ELP3: variants seen among roughly 807,000 people sequenced by gnomAD.
ELP3 encodes elongator acetyltransferase complex subunit 3.
A neutral mutation model predicts 74.9 loss-of-function variants in ELP3; 56 were observed. The observed-to-expected ratio is 0.75, with a 90% CI of 0.60 to 0.93. The LOEUF (loss-of-function observed/expected upper bound fraction) is 0.93, where lower values mean the gene tolerates loss of function less well. Among genes scored for constraint, ELP3 ranks in the 40% least tolerant of loss-of-function variants. The pLI, the probability that ELP3 is intolerant of heterozygous loss-of-function variation, is 0.00. For missense variants in ELP3, 573 were observed against 686.5 expected, an observed-to-expected ratio of 0.83 and a Z score of 1.85; for synonymous variants, 222 against 239.8, an observed-to-expected ratio of 0.93 and a Z score of 0.68.
intron 14 of ELP3, among the ~76,000 whole-genome samples, chr8:28,178,176 T>A (rs1343425097): frequency 1.3e-5 from 2 of 152,222 alleles, no homozygotes; most frequent in African/African-American, 4.8e-5. Context: ...GAGAAATTTC[T>A]CATAGTTCTA....
chr8:28,159,847 C>T (rs566198127), intron 12 of ELP3, among the ~76,000 whole-genome samples: 1 of 152,232 alleles, frequency 6.6e-6, no homozygotes, highest in Non-Finnish European at 1.5e-5. Context: ...CATTGAACAC[C>T]TGACAGTTTT....
chr8:28,113,131 C>T lies in ELP3; in HGVS notation c.575C>T (p.Ala192Val). Residue 192 changes from alanine (A) to valine (V), a missense_variant, in exon 7 of 15, where the codon GCC becomes GTC. Coordinates refer to ENST00000256398, the MANE Select transcript of ELP3 (RefSeq NM_018091.6). Reference protein sequence around the residue: ...RDYFIRNLHDALSGHTSNNIY... With the variant: ...RDYFIRNLHDVLSGHTSNNIY... Reference sequence around the variant, plus strand: ...TATTTTATTCGAAATTTACATGATGCCTTATCAGGACATACTTCCAACAAT... The same window carrying T: ...TATTTTATTCGAAATTTACATGATGTCTTATCAGGACATACTTCCAACAAT... The T allele has an allele frequency of 6.2e-7, 1 of 1,613,608 alleles. No individual in the cohort carries two copies. The highest frequency in any genetic ancestry group is 8.5e-7 in the Non-Finnish European group (1 of 1,179,754).
chr8:28,162,927 T>C (rs1814160207), intron 14 of ELP3, among the ~76,000 whole-genome samples: 2 of 152,210 alleles, frequency 1.3e-5, no homozygotes, highest in African/African-American at 4.8e-5. Context: ...GAACATCTCA[T>C]GACCTGCGTC....
At chr8:28,108,171 T>C in intron 5 of ELP3, among the ~76,000 whole-genome samples, 195 bp downstream of exon 5, 1 of 152,232 alleles carries the variant, frequency 6.6e-6, no homozygotes, top group African/African-American at 2.4e-5. Flanking sequence ...AGAGAAATAC[T>C]TACATAAGCA....
upstream of ELP3, among the ~76,000 whole-genome samples, chr8:28,092,151 G>C (rs143204848): frequency 1.6e-3 from 240 of 152,298 alleles, no homozygotes; most frequent in African/African-American, 5.5e-3. Context: ...AGGGAGATAT[G>C]TGGGCTTCTG....
At chr8:28,132,428 C>T (rs1288528775) in intron 9 of ELP3, 24 bp downstream of exon 9, 1 of 1,613,660 alleles carries the variant, frequency 6.2e-7, no homozygotes, top group Non-Finnish European at 8.5e-7. Context: ...CAGCCAGGCG[C>T]ATTCAGAATG....
intron 9 of ELP3, among the ~76,000 whole-genome samples, chr8:28,134,003 G>T (rs944728568): frequency 6.6e-6 from 1 of 151,972 alleles, no homozygotes; most frequent in South Asian, 2.1e-4. Context: ...TGTGCACAAC[G>T]TGCAGGTTTG....
intron 14 of ELP3, among the ~76,000 whole-genome samples, chr8:28,188,079 C>A (rs1458766474): frequency 6.6e-6 from 1 of 151,972 alleles, no homozygotes; most frequent in African/African-American, 2.4e-5. Flanking sequence ...AGTGCAGGGA[C>A]GTGCAGAGAG....
Position 28,160,419 on chromosome 8 carries a change from C to T in ELP3, c.1448C>T (p.Pro483Leu). Residue 483 changes from proline (P) to leucine (L), a missense_variant, in exon 13 of 15, where the codon CCT (proline) becomes CTT (leucine). Transcript: ENST00000256398. ...RELHVYGSVVPVSSRDPTKFQ... is the reference protein window; with the variant it reads ...RELHVYGSVVLVSSRDPTKFQ... ...CTGCATGTGTATGGGAGTGTGGTCC[C>T]TGTGAGCAGCCGGGATCCTACTAAA... is the stretch of plus-strand genomic sequence containing the variant. 6.2e-7 allele frequency: 1 copy of T among 1,614,080 alleles called. No individual in the cohort carries two copies. Among genetic ancestry groups the T allele is most frequent in the Non-Finnish European group, 8.5e-7 (1 of 1,179,992 alleles).
chr8:28,178,592 C>T (rs1049061916), intron 14 of ELP3, among the ~76,000 whole-genome samples: 1 of 152,098 alleles, frequency 6.6e-6, no homozygotes, highest in African/African-American at 2.4e-5. Flanking sequence ...TGCTGGGTTT[C>T]CAGGTTAGAG....
intron 14 of ELP3, among the ~76,000 whole-genome samples, chr8:28,162,553 C>T (rs767864355): frequency 4.6e-5 from 7 of 152,198 alleles, no homozygotes; most frequent in African/African-American, 1.7e-4. Context: ...TGGGGAACAG[C>T]TTTCCCCTGT....
rs138686197 is a variant in ELP3, at chr8:28,188,647, C to T, written c.1568-1002C>T. 5.4e-4 allele frequency among the ~76,000 whole-genome samples: 82 copies of T among 152,344 alleles called. No individual in the cohort carries two copies. The South Asian group carries it at 0.015, about 27-fold the overall frequency. ...CGGTGGGGACAAACACTTCTGTGCT[C>T]GGGACCCTCCCAGACCTCACCCAGT... On this transcript the variant is annotated intron_variant, in intron 14 of 14. Transcript: ENST00000256398.
At chr8:28,140,299 A>G (rs1813186031) in intron 10 of ELP3, among the ~76,000 whole-genome samples, 2 of 152,186 alleles carry the variant, frequency 1.3e-5, no homozygotes, top group African/African-American at 4.8e-5. Context: ...TCTGGCTTAA[A>G]GGGCTCCCAT....
chr8:28,122,995 G>A (rs941099960), intron 7 of ELP3, among the ~76,000 whole-genome samples: 3 of 152,158 alleles, frequency 2.0e-5, no homozygotes, highest in Admixed American at 6.5e-5. Flanking sequence ...GTGGTGGCAC[G>A]CACCTGTAAT....
At chr8:28,152,782 G>T (rs1235574180) in intron 10 of ELP3, among the ~76,000 whole-genome samples, 1 of 152,180 alleles carries the variant, frequency 6.6e-6, no homozygotes, top group African/African-American at 2.4e-5. Context: ...CTCCAGCCTG[G>T]GTGACAGAGC....
intron 7 of ELP3, among the ~76,000 whole-genome samples, chr8:28,122,854 A>G (rs1028350153): frequency 2.6e-5 from 4 of 151,970 alleles, no homozygotes; most frequent in African/African-American, 4.8e-5. Context: ...GCCAGGCGCA[A>G]TGGCTCACGC....
intron 13 of ELP3, 87 bp downstream of exon 13, chr8:28,160,543 A>T (rs532038913): frequency 8.6e-7 from 1 of 1,163,178 alleles, no homozygotes; most frequent in East Asian, 2.5e-5. Context: ...GAAGAGGAAG[A>T]GGCAGAGGAG....
Position 28,099,874 on chromosome 8 carries a change from C to T in ELP3, c.166C>T (p.Arg56Cys), listed in dbSNP as rs529488325. The part of the protein sequence containing the change: ...AAKYGLSAQP[R>C]LVDIIAAVPP... Reference sequence around the variant, plus strand: ...CAAATATGGCCTTTCTGCCCAGCCCCGCCTGGTGGATATCATTGCTGCCGT... The same window carrying T: ...CAAATATGGCCTTTCTGCCCAGCCCTGCCTGGTGGATATCATTGCTGCCGT... The change falls in exon 3 of 15, where the codon CGC becomes TGC. Residue 56 changes from arginine to cysteine, a missense_variant. Arg to Cys is a radical substitution (Grantham distance 180). Coordinates refer to ENST00000256398, the MANE Select transcript of ELP3 (RefSeq NM_018091.6). 49 of 1,614,192 alleles carry T rather than the reference C, an allele frequency of 3.0e-5. No homozygotes were observed. Among genetic ancestry groups the T allele is most frequent in the Non-Finnish European group, 3.7e-5 (44 of 1,180,028 alleles).
At chr8:28,102,463 A>G (rs908889999) in intron 3 of ELP3, among the ~76,000 whole-genome samples, 1 of 152,298 alleles carries the variant, frequency 6.6e-6, no homozygotes, top group Non-Finnish European at 1.5e-5. Context: ...TCCTACCTAC[A>G]TGAAATGCAT....
Sources: gnomAD v4.1 joint callset for allele counts (sites outside exome capture counted in the v4.1 genomes callset) on GRCh38, gnomAD v4.1.1 for gene constraint, MANE v1.5 for transcripts, NCBI Gene and HGNC (gene_info 2026-07-23, HGNC 2026-07-21) for gene names.